DGKI: variants seen among roughly 807,000 people sequenced by gnomAD.
The protein encoded by DGKI is DAG kinase iota.
A neutral mutation model predicts 147.5 loss-of-function variants in DGKI; 55 were observed. The ratio of observed to expected loss-of-function variants is 0.37; its 90% confidence interval spans 0.30 to 0.47. The LOEUF (loss-of-function observed/expected upper bound fraction) is 0.47. DGKI is among the 20% of genes least tolerant of loss of function. The pLI, the probability that DGKI is intolerant of heterozygous loss-of-function variation, is 1.00. For missense variants in DGKI, 1,007 were observed against 1,323.8 expected (o/e 0.76, Z 3.71); for synonymous variants, 469 against 477.1 (o/e 0.98, Z 0.22).
chr7:137,643,596 G>A (rs1585321556), intron 6 of DGKI, among the ~76,000 whole-genome samples: 1 of 152,158 alleles, frequency 6.6e-6, no homozygotes, highest in East Asian at 1.9e-4. Context: ...GAAACATGAT[G>A]TGACAAGCTG....
At chr7:137,706,085 T>C (rs1794011973) in intron 1 of DGKI, among the ~76,000 whole-genome samples, 1 of 152,092 alleles carries the variant, frequency 6.6e-6, no homozygotes, top group Non-Finnish European at 1.5e-5. Context: ...TAGCAAATAT[T>C]CAGAAATATT....
rs1039839228 is a variant in DGKI at position 137,389,368 on chromosome 7, A to G, written c.*1852T>C. 1 of 152,170 alleles carries G rather than the reference A, an allele frequency of 6.6e-6. No homozygotes were observed. The highest frequency in any genetic ancestry group is 1.5e-5 in the Non-Finnish European group (1 of 68,024). The allele number at this position is 152,170 out of a possible 1,614,324, so 9.4% of individuals were successfully genotyped here. ...ACTATGGAAAGACTGTGGTAATAAA[A>G]TCCCCATCCACTGAAAGGCTGTTCC... On this transcript the variant is annotated 3_prime_UTR_variant, in exon 33 of 33. Coordinates refer to ENST00000614521, the MANE Select transcript of DGKI (RefSeq NM_001321708.2).
At chr7:137,449,046 T>C (rs1238612912) in intron 27 of DGKI, among the ~76,000 whole-genome samples, 2 of 152,208 alleles carry the variant, frequency 1.3e-5, no homozygotes, top group South Asian at 2.1e-4. Context: ...ATAATTAATA[T>C]TGCTAAAATG....
At chr7:137,450,015 G>A (rs1402822378) in intron 27 of DGKI, among the ~76,000 whole-genome samples, 2 of 152,186 alleles carry the variant, frequency 1.3e-5, no homozygotes, top group Non-Finnish European at 2.9e-5. Context: ...ATTATGTTAA[G>A]CTAAATAAGC....
At chr7:137,770,389 G>A (rs1009871794) in intron 1 of DGKI, among the ~76,000 whole-genome samples, 7 of 151,928 alleles carry the variant, frequency 4.6e-5, no homozygotes, top group Admixed American at 2.6e-4. Flanking sequence ...CCTAGATGAC[G>A]GGTTGATAGG....
intron 1 of DGKI, among the ~76,000 whole-genome samples, chr7:137,809,759 C>T (rs553006512): frequency 1.3e-5 from 2 of 152,170 alleles, no homozygotes; most frequent in South Asian, 4.1e-4. Flanking sequence ...CAAAAATTAG[C>T]CAGGCATGAG....
intron 32 of DGKI, among the ~76,000 whole-genome samples, chr7:137,392,419 G>A (rs182644782): frequency 1.6e-3 from 240 of 152,266 alleles, no homozygotes; most frequent in African/African-American, 5.6e-3. Flanking sequence ...CAAAGGAAGG[G>A]TAGAGGCATG....
At chr7:137,506,728 G>C (rs979187234) in intron 21 of DGKI, among the ~76,000 whole-genome samples, 3 of 152,086 alleles carry the variant, frequency 2.0e-5, no homozygotes, top group Admixed American at 2.0e-4. Context: ...AGGATATATG[G>C]AATTCTCTGT....
At chr7:137,626,941 G>A (rs1820963749) in intron 6 of DGKI, among the ~76,000 whole-genome samples, 1 of 152,162 alleles carries the variant, frequency 6.6e-6, no homozygotes, top group African/African-American at 2.4e-5. Flanking sequence ...AACAGAACAA[G>A]CTCTTCATGC....
chr7:137,675,350 C>T (rs1489419805), intron 3 of DGKI, among the ~76,000 whole-genome samples: 1 of 152,160 alleles, frequency 6.6e-6, no homozygotes, highest in Non-Finnish European at 1.5e-5. Flanking sequence ...GTTAGGTTTG[C>T]GACCCATCTG....
intron 23 of DGKI, among the ~76,000 whole-genome samples, chr7:137,470,597 C>T (rs1814844073): frequency 6.6e-6 from 1 of 151,532 alleles, no homozygotes; most frequent in Admixed American, 6.6e-5. Flanking sequence ...AGGCTGTCTT[C>T]CAGGCTGTCT....
intron 20 of DGKI, chr7:137,546,008 C>T (rs1467754643): frequency 2.9e-6 from 2 of 696,894 alleles, no homozygotes; most frequent in South Asian, 3.0e-5. Context: ...TCAGCGACAG[C>T]GTGGACAGAC....
chr7:137,638,458 ATATGTGTGTATATATGTGTG>A (rs1383902511), intron 6 of DGKI, among the ~76,000 whole-genome samples: 1,847 of 121,548 alleles, frequency 0.015, 141 homozygotes, highest in African/African-American at 0.057. Context: ...ACACACATAT[ATATGTGTGTATATATGTGTG>A]TATATATATA....
chr7:137,620,084 G>T, intron 7 of DGKI, 144 bp from the exon 8 acceptor site: 1 of 618,928 alleles, frequency 1.6e-6, no homozygotes, highest in Non-Finnish European at 2.9e-6. Flanking sequence ...ACATATGCAT[G>T]CACACATGCA....
intron 1 of DGKI, among the ~76,000 whole-genome samples, chr7:137,816,586 A>G (rs779441757): frequency 3.8e-4 from 58 of 152,378 alleles, no homozygotes; most frequent in Admixed American, 5.9e-4. Context: ...CTAGAGATAC[A>G]GCAGTGAACC....
chr7:137,448,131 T>C (rs1229983220), intron 27 of DGKI, among the ~76,000 whole-genome samples: 2 of 152,090 alleles, frequency 1.3e-5, no homozygotes, highest in Non-Finnish European at 2.9e-5. Context: ...ACAAAATCTA[T>C]GGCAGAAAGC....
chr7:137,691,507 C>T (rs1456615003), intron 1 of DGKI, among the ~76,000 whole-genome samples: 3 of 152,084 alleles, frequency 2.0e-5, no homozygotes, highest in East Asian at 1.9e-4. Flanking sequence ...GTGGTGACTC[C>T]CATCACAAAT....
chr7:137,505,485 T>C (rs1816334829), intron 21 of DGKI, among the ~76,000 whole-genome samples: 1 of 152,174 alleles, frequency 6.6e-6, no homozygotes, highest in African/African-American at 2.4e-5. Context: ...ATACAAATTG[T>C]GAGTGAATAC....
At chr7:137,479,868 T>A (rs1815310542) in intron 23 of DGKI, among the ~76,000 whole-genome samples, 1 of 152,142 alleles carries the variant, frequency 6.6e-6, no homozygotes, top group South Asian at 2.1e-4. Context: ...TAATGTTGCA[T>A]ACAAATAGGT....
Sources: allele counts gnomAD v4.1 joint callset (sites outside exome capture counted in the v4.1 genomes callset), GRCh38; gene constraint gnomAD v4.1.1; transcripts MANE v1.5; gene names NCBI Gene and HGNC (gene_info 2026-07-23, HGNC 2026-07-21).